DYNC2I1: variants seen among roughly 807,000 people sequenced by gnomAD.
DYNC2I1 encodes the protein dynein 2 intermediate chain 1.
In DYNC2I1, 89 loss-of-function variants were observed where a neutral mutation model predicts 133.4. The observed-to-expected ratio is 0.67, with a 90% CI of 0.56 to 0.80. DYNC2I1 has a LOEUF of 0.80. Among genes scored for constraint, DYNC2I1 ranks in the 30% least tolerant of loss-of-function variants. The pLI, the probability that DYNC2I1 is intolerant of heterozygous loss-of-function variation, is 0.00. For missense variants in DYNC2I1, 1,291 were observed against 1,314.5 expected, an observed-to-expected ratio of 0.98 and a Z score of 0.28; for synonymous variants, 504 against 484.3, an observed-to-expected ratio of 1.04 and a Z score of -0.54.
At chr7:158,881,147 G>A (rs1843963944) in intron 5 of DYNC2I1, among the ~76,000 whole-genome samples, 1 of 152,216 alleles carries the variant, frequency 6.6e-6, no homozygotes. Context: ...CCTGGCTCCC[G>A]GCCATCTCAG....
At chr7:158,909,775 CAGAA>C (rs1387234640) in intron 11 of DYNC2I1, among the ~76,000 whole-genome samples, 2 of 152,150 alleles carry the variant, frequency 1.3e-5, no homozygotes, top group Non-Finnish European at 2.9e-5. Context: ...TAGAGTGAAA[CAGAA>C]AGATCTGATG....
chr7:158,937,246 G>C (rs1012170718), intron 23 of DYNC2I1, among the ~76,000 whole-genome samples: 2 of 152,186 alleles, frequency 1.3e-5, no homozygotes, highest in African/African-American at 4.8e-5. Flanking sequence ...ATATTTGCTG[G>C]ACTGCAGAAA....
In DYNC2I1 at chr7:158,914,284, C is replaced by T; in HGVS notation, c.1754C>T (p.Thr585Ile). 1.9e-6 allele frequency: 3 copies of T among 1,612,844 alleles called. No individual in the cohort carries two copies. The highest frequency in any genetic ancestry group is 1.6e-4 in the Middle Eastern group (1 of 6,062). ...GCTGTAGTTATGCCAAAGATTGATA[C>T]TCCAAGGTTATGTAGCTTTCTGCGG... ...SDAVVMPKID[T>I]PRLCSFLRAA... The change falls in exon 14 of 25, where the codon ACT becomes ATT. Residue 585 changes from threonine (T) to isoleucine (I), a missense_variant. Transcript: ENST00000407559.
chr7:158,839,576 T>C, the DYNC2I1 span, among the ~76,000 whole-genome samples: 1 of 152,132 alleles, frequency 6.6e-6, no homozygotes, highest in Non-Finnish European at 1.5e-5. Flanking sequence ...TCCCAGCACT[T>C]TGGGAGGCCG....
intron 24 of DYNC2I1, 50 bp downstream of exon 24, chr7:158,942,198 C>T: frequency 7.1e-7 from 1 of 1,409,900 alleles, no homozygotes; most frequent in Non-Finnish European, 9.5e-7. Context: ...GGGCTTCGGC[C>T]ACGGGTGCCA....
chr7:158,908,273 G>A, intron 11 of DYNC2I1, among the ~76,000 whole-genome samples: 1 of 150,756 alleles, frequency 6.6e-6, no homozygotes. Flanking sequence ...AATTCCAAAT[G>A]GATTTAAAAA....
rs1851417807 is a variant in DYNC2I1, at chr7:158,941,976, C to G, written c.2830C>G (p.Pro944Ala). The change falls in exon 24 of 25, where the codon CCG (proline) becomes GCG (alanine). Residue 944 changes from proline (P) to alanine (A), a missense_variant. Transcript: ENST00000407559. ...GCTGCACCAGCTGAGCTCCGCGTTT[C>G]CGCTCCTGCAGTGGGACAGCAGCAC... ...IRLHQLSSAF[P>A]LLQWDSSTDS... The G allele has an allele frequency of 6.2e-7, 1 of 1,612,822 alleles. No homozygotes were observed. The highest frequency in any genetic ancestry group is 8.5e-7 in the Non-Finnish European group (1 of 1,179,578).
Position 158,922,568 on chromosome 7 carries a change from G to C in DYNC2I1, c.2094+19G>C. The C allele has an allele frequency of 6.2e-7, 1 of 1,610,582 alleles. No individual in the cohort carries two copies. Reference sequence around the variant, plus strand: ...GTCCCAGGTACAGCTCAGGATGAGAGTCGCACGTTTGATGGGAGGATGGGC... The same window carrying C: ...GTCCCAGGTACAGCTCAGGATGAGACTCGCACGTTTGATGGGAGGATGGGC... On this transcript the variant is annotated intron_variant, in intron 16 of 24. Coordinates refer to ENST00000407559, the MANE Select transcript of DYNC2I1 (RefSeq NM_018051.5).
chr7:158,839,516 T>A, the DYNC2I1 span, among the ~76,000 whole-genome samples: 1 of 152,154 alleles, frequency 6.6e-6, no homozygotes, highest in Non-Finnish European at 1.5e-5. Flanking sequence ...CTTTTTTTGT[T>A]TTTTAAAGAG....
Position 158,868,945 on chromosome 7 carries a change from A to G in DYNC2I1, c.16-910A>G, listed in dbSNP as rs539243082. Among the ~76,000 whole-genome samples, 4 of 152,344 alleles carry G rather than the reference A, an allele frequency of 2.6e-5. No homozygotes were observed. The South Asian group carries it at 6.2e-4, about 24-fold the overall frequency. On this transcript the variant is annotated intron_variant, in intron 1 of 24. Transcript: ENST00000407559. ...GATGCTAAACTCATTTCTGTCTGTC[A>G]TACATCCCAGCTGCTGTTGCTGTGT...
In DYNC2I1 at chr7:158,922,174, A is replaced by G. The variant is rs147761163; in HGVS notation, c.1922-203A>G. On this transcript the variant is annotated intron_variant, in intron 15 of 24. Transcript: ENST00000407559. Reference sequence around the variant, plus strand: ...CTGCATGTGACCACATTTTAGCCAGACTCTGAGGTCAGCTTGGACAGAGTG... The same window carrying G: ...CTGCATGTGACCACATTTTAGCCAGGCTCTGAGGTCAGCTTGGACAGAGTG... Among the ~76,000 whole-genome samples, 1,048 of 152,112 alleles carry G rather than the reference A, an allele frequency of 6.9e-3. 18 individuals are homozygous for G. The highest frequency in any genetic ancestry group is 0.024 in the African/African-American group (981 of 41,494).
chr7:158,905,101 G>A (rs552934319), intron 10 of DYNC2I1: 1 of 421,272 alleles, frequency 2.4e-6, no homozygotes, highest in East Asian at 7.1e-5. Context: ...CCATTACAAA[G>A]GATTGGGGAT....
Position 158,931,535 on chromosome 7 carries a change from G to C in DYNC2I1, c.2546+1020G>C, listed in dbSNP as rs10243477. 3.7e-3 allele frequency among the ~76,000 whole-genome samples: 565 copies of C among 152,304 alleles called. 9 individuals carry two copies. Among genetic ancestry groups the C allele is most frequent in the African/African-American group, 0.012 (514 of 41,568 alleles). On this transcript the variant is annotated intron_variant, in intron 21 of 24. Coordinates refer to ENST00000407559, the MANE Select transcript of DYNC2I1 (RefSeq NM_018051.5). The stretch of plus-strand genomic sequence containing the variant: ...CCAGCCTCTACAGTTCCCCCACTGA[G>C]TTTCTTTACGACTTTTTATCTCTGC...
intron 3 of DYNC2I1, among the ~76,000 whole-genome samples, chr7:158,873,969 G>C (rs993597002): frequency 4.6e-5 from 7 of 152,046 alleles, no homozygotes; most frequent in African/African-American, 1.7e-4. Flanking sequence ...ATGTTGGCCA[G>C]GCTAGTCTTG....
chr7:158,940,535 C>G (rs141763697), intron 23 of DYNC2I1, among the ~76,000 whole-genome samples: 1 of 152,212 alleles, frequency 6.6e-6, no homozygotes, highest in African/African-American at 2.4e-5. Context: ...GCAGAATACC[C>G]ATTCTTTACA....
chr7:158,891,319 G>A lies in DYNC2I1; in HGVS notation c.1045G>A (p.Gly349Ser). Residue 349 changes from glycine (G) to serine (S), a missense_variant, in exon 8 of 25, where the codon GGC becomes AGC. Coordinates refer to ENST00000407559, the MANE Select transcript of DYNC2I1 (RefSeq NM_018051.5). Reference protein sequence around the residue: ...VWWKLDQRPGGEETVEIEKEE... With the variant: ...VWWKLDQRPGSEETVEIEKEE... ...GTGGAAGCTGGACCAGAGGCCGGGA[G>A]GCGAGGAAACCGTGGTAAGGAGAGT... 1.2e-6 allele frequency: 2 copies of A among 1,614,062 alleles called. No homozygotes were observed. The highest frequency in any genetic ancestry group is 1.7e-6 in the Non-Finnish European group (2 of 1,179,898).
intron 21 of DYNC2I1, among the ~76,000 whole-genome samples, chr7:158,932,347 G>A (rs1157792760): frequency 6.6e-6 from 1 of 152,192 alleles, no homozygotes; most frequent in Non-Finnish European, 1.5e-5. Context: ...CTTTGAGGTG[G>A]AGTTAGATGG....
intron 23 of DYNC2I1, among the ~76,000 whole-genome samples, chr7:158,939,927 A>G (rs1364978819): frequency 1.3e-5 from 2 of 152,236 alleles, no homozygotes; most frequent in African/African-American, 4.8e-5. Context: ...ACAGGGGTCA[A>G]TTCAGCAAGA....
downstream of DYNC2I1, among the ~76,000 whole-genome samples, chr7:158,949,466 C>G (rs957528251): frequency 1.3e-5 from 2 of 152,236 alleles, no homozygotes; most frequent in Admixed American, 6.5e-5. Flanking sequence ...CCTGTCCCCA[C>G]TCCAGTGTGT....
Sources: gnomAD v4.1 joint callset for allele counts (sites outside exome capture counted in the v4.1 genomes callset) on GRCh38, gnomAD v4.1.1 for gene constraint, MANE v1.5 for transcripts, NCBI Gene and HGNC (gene_info 2026-07-23, HGNC 2026-07-21) for gene names.